The following ERICH6B variants were observed in gnomAD, a reference collection of about 807,000 sequenced individuals.
ERICH6B encodes the protein glutamate rich 6B.
A neutral mutation model predicts 80.0 loss-of-function variants in ERICH6B; 69 were observed. That is an observed-to-expected ratio of 0.86 (90% CI 0.71 to 1.05). The LOEUF is 1.05. Ranked by LOEUF, ERICH6B falls within the 50% of genes least tolerant of loss-of-function variation. The pLI, the probability that ERICH6B is intolerant of heterozygous loss-of-function variation, is 0.00. For synonymous variants in ERICH6B, 283 were observed against 291.9 expected, an observed-to-expected ratio of 0.97 and a Z score of 0.31; for missense variants, 754 against 796.1, an observed-to-expected ratio of 0.95 and a Z score of 0.64.
intron 5 of ERICH6B, among the ~76,000 whole-genome samples, chr13:45,584,760 C>G (rs187675383): frequency 2.0e-5 from 3 of 152,162 alleles, no homozygotes; most frequent in Non-Finnish European, 4.4e-5. Flanking sequence ...GTGCCCAGTT[C>G]TTTGGGTTGT....
Position 45,605,110 on chromosome 13 carries a change from C to A in ERICH6B, c.-59+2454G>T, listed in dbSNP as rs1174840175. ...TTCTCCCGAGGCCCCTCCCCCTCAACTTCCTGAAGCCCCTCCTCTTTGGTT... is the reference window on the plus strand; with the variant it reads ...TTCTCCCGAGGCCCCTCCCCCTCAAATTCCTGAAGCCCCTCCTCTTTGGTT... On this transcript the variant is annotated intron_variant, in intron 2 of 14. Transcript: ENST00000298738. Among the ~76,000 whole-genome samples, 6 of 152,272 alleles carry A rather than the reference C, an allele frequency of 3.9e-5. No homozygotes were observed. In the East Asian group the frequency reaches 1.2e-3, roughly 29 times the overall value.
chr13:45,610,489 T>TA (rs1433863625), intron 1 of ERICH6B, among the ~76,000 whole-genome samples: 6 of 152,338 alleles, frequency 3.9e-5, no homozygotes, highest in Non-Finnish European at 8.8e-5. Flanking sequence ...TCACGTCAAT[T>TA]AGACTCTTTC....
chr13:45,590,752 A>G lies in ERICH6B; in HGVS notation c.638-55T>C, dbSNP rs1876123975. 8.2e-6 allele frequency: 12 copies of G among 1,472,218 alleles called. No individual in the cohort carries two copies. In the Admixed American group the frequency reaches 1.4e-4, roughly 17 times the overall value. The allele number at this position is 1,472,218 out of a possible 1,614,324, so 91.2% of individuals were successfully genotyped here. A position where few individuals can be genotyped will look rare whatever the true frequency, so the allele number is the denominator to read the frequency against. On this transcript the variant is annotated intron_variant, in intron 3 of 14. Transcript: ENST00000298738. ...TTGGCAAAAAAGCATCTTTCTTTCTATTTAAAAATACGTTGTTAAGTACGT... is the reference window on the plus strand; with the variant it reads ...TTGGCAAAAAAGCATCTTTCTTTCTGTTTAAAAATACGTTGTTAAGTACGT...
At chr13:45,543,867 G>A (rs138481518) in intron 14 of ERICH6B, among the ~76,000 whole-genome samples, 58 of 152,272 alleles carry the variant, frequency 3.8e-4, no homozygotes, top group African/African-American at 1.4e-3. Context: ...ACAACAGCAG[G>A]CCTGGGGACA....
chr13:45,611,616 A>T (rs1949900259), intron 1 of ERICH6B, among the ~76,000 whole-genome samples: 1 of 152,104 alleles, frequency 6.6e-6, no homozygotes, highest in African/African-American at 2.4e-5. Context: ...GAGTCATAGG[A>T]TTAGGGGAAA....
chr13:45,587,348 A>C, intron 4 of ERICH6B, 116 bp from the exon 5 acceptor site: 1 of 847,044 alleles, frequency 1.2e-6, no homozygotes, highest in South Asian at 1.8e-5. Flanking sequence ...CAGATGATGG[A>C]CATCTCAAGG....
intron 14 of ERICH6B, 28 bp downstream of exon 14, chr13:45,544,732 T>C (rs1165498851): frequency 4.5e-6 from 7 of 1,543,914 alleles, no homozygotes; most frequent in Admixed American, 3.9e-5. Context: ...CCCCACCTGG[T>C]GGAGGGTATG....
intron 1 of ERICH6B, among the ~76,000 whole-genome samples, chr13:45,614,472 A>T (rs1949916697): frequency 6.6e-6 from 1 of 152,230 alleles, no homozygotes. Flanking sequence ...GGAGAGGCAC[A>T]CAGGAGGCTG....
chr13:45,611,796 C>T (rs1949901397), intron 1 of ERICH6B, among the ~76,000 whole-genome samples: 1 of 152,196 alleles, frequency 6.6e-6, no homozygotes, highest in South Asian at 2.1e-4. Context: ...ATGACCATGA[C>T]ACTGTAATAA....
chr13:45,598,432 C>A (rs910318358), intron 2 of ERICH6B, among the ~76,000 whole-genome samples: 1 of 152,134 alleles, frequency 6.6e-6, no homozygotes, highest in Non-Finnish European at 1.5e-5. Flanking sequence ...ACTGAAGAGG[C>A]AACCGGACCA....
intron 7 of ERICH6B, among the ~76,000 whole-genome samples, chr13:45,578,131 A>G (rs1182326210): frequency 6.6e-6 from 1 of 152,154 alleles, no homozygotes; most frequent in African/African-American, 2.4e-5. Context: ...TACCCTCAAT[A>G]TCTGATCTCC....
intron 14 of ERICH6B, among the ~76,000 whole-genome samples, chr13:45,544,534 T>C (rs1265644755): frequency 6.6e-6 from 1 of 152,196 alleles, no homozygotes. Context: ...CCTGAGCATT[T>C]CAATGTGAAT....
At chr13:45,562,357 A>G (rs1874720407) in intron 10 of ERICH6B, among the ~76,000 whole-genome samples, 1 of 152,258 alleles carries the variant, frequency 6.6e-6, no homozygotes, top group South Asian at 2.1e-4. Context: ...TTTTTAAAGC[A>G]TTCAACTTGG....
chr13:45,601,958 A>C (rs115716365), intron 2 of ERICH6B, among the ~76,000 whole-genome samples: 7 of 152,172 alleles, frequency 4.6e-5, no homozygotes, highest in Non-Finnish European at 8.8e-5. Flanking sequence ...ATTATTGCAC[A>C]CTTATTCCTA....
At chr13:45,608,149 A>G (rs923783282) in intron 1 of ERICH6B, among the ~76,000 whole-genome samples, 5 of 152,180 alleles carry the variant, frequency 3.3e-5, no homozygotes, top group Admixed American at 6.5e-5. Context: ...GCAATGCCCA[A>G]TGGGTACACA....
chr13:45,552,912 T>A (rs1874278364), intron 11 of ERICH6B: 1 of 201,746 alleles, frequency 5.0e-6, no homozygotes, highest in East Asian at 1.5e-4. Flanking sequence ...TGGAGTCCTG[T>A]CTGGCTGCTG....
intron 11 of ERICH6B, among the ~76,000 whole-genome samples, chr13:45,559,419 T>C (rs1428783687): frequency 6.6e-6 from 1 of 152,076 alleles, no homozygotes; most frequent in Non-Finnish European, 1.5e-5. Flanking sequence ...ATCTTGGTTA[T>C]TTCTTTTCTT....
chr13:45,569,749 C>G (rs1046014519), intron 8 of ERICH6B, among the ~76,000 whole-genome samples: 3 of 152,168 alleles, frequency 2.0e-5, no homozygotes, highest in African/African-American at 7.2e-5. Flanking sequence ...TTATGGCTGG[C>G]CAGTGTTTCT....
intron 10 of ERICH6B, among the ~76,000 whole-genome samples, chr13:45,562,940 T>C (rs982673695): frequency 1.3e-5 from 2 of 152,204 alleles, no homozygotes; most frequent in Non-Finnish European, 2.9e-5. Flanking sequence ...CGAGAAAAAG[T>C]ACCATGATTG....
Sources: gnomAD v4.1 joint callset for allele counts (sites outside exome capture counted in the v4.1 genomes callset) on GRCh38, gnomAD v4.1.1 for gene constraint, MANE v1.5 for transcripts, NCBI Gene and HGNC (gene_info 2026-07-23, HGNC 2026-07-21) for gene names.